PLCB1: variants seen among roughly 807,000 people sequenced by gnomAD.
PLCB1 encodes the protein phospholipase C beta 1.
A neutral mutation model predicts 161.8 loss-of-function variants in PLCB1; 46 were observed. That is an observed-to-expected ratio of 0.28 (90% CI 0.22 to 0.36). The LOEUF is 0.36. Ranked by LOEUF, PLCB1 falls within the 10% of genes least tolerant of loss-of-function variation. PLCB1 has a pLI of 1.00. For synonymous variants in PLCB1, 517 were observed against 503.7 expected (o/e 1.03, Z -0.35); for missense variants, 1,016 against 1,472.5 (o/e 0.69, Z 5.07).
intron 3 of PLCB1, among the ~76,000 whole-genome samples, chr20:8,411,821 T>G (rs890612226): frequency 2.0e-5 from 3 of 152,120 alleles, no homozygotes; most frequent in African/African-American, 7.2e-5. Flanking sequence ...GTCAGGAGTT[T>G]GAGACCAGCC....
intron 2 of PLCB1, among the ~76,000 whole-genome samples, chr20:8,271,518 T>A (rs1181348260): frequency 6.6e-6 from 1 of 152,150 alleles, no homozygotes; most frequent in Non-Finnish European, 1.5e-5. Flanking sequence ...TTCTTATTTG[T>A]TCCTCTCATT....
chr20:8,331,813 C>T (rs970710494), intron 2 of PLCB1, among the ~76,000 whole-genome samples: 19 of 152,158 alleles, frequency 1.2e-4, no homozygotes, highest in African/African-American at 4.6e-4. Context: ...AACAGGTATT[C>T]TGTGGATTTT....
intron 3 of PLCB1, among the ~76,000 whole-genome samples, chr20:8,613,967 A>G (rs1987975268): frequency 6.6e-6 from 1 of 152,110 alleles, no homozygotes; most frequent in Admixed American, 6.6e-5. Context: ...ATATCAGGCA[A>G]AGGGTCAATA....
At chr20:8,188,356 A>G (rs567693989) in intron 2 of PLCB1, among the ~76,000 whole-genome samples, 1 of 152,286 alleles carries the variant, frequency 6.6e-6, no homozygotes, top group East Asian at 1.9e-4. Flanking sequence ...AAGTAGACAC[A>G]GGGAAGGATG....
intron 31 of PLCB1, among the ~76,000 whole-genome samples, chr20:8,803,450 T>G (rs1984380902): frequency 7.0e-6 from 1 of 143,834 alleles, no homozygotes; most frequent in East Asian, 2.1e-4. Flanking sequence ...TTTTTTTTTC[T>G]ACTGCCTGTA....
At chr20:8,149,749 A>G (rs1383759937) in intron 1 of PLCB1, among the ~76,000 whole-genome samples, 1 of 152,138 alleles carries the variant, frequency 6.6e-6, no homozygotes, top group African/African-American at 2.4e-5. Flanking sequence ...TCAGAAGACT[A>G]TTTACCTATG....
chr20:8,681,076 A>ATATGTG (rs1555782761), intron 9 of PLCB1, among the ~76,000 whole-genome samples: 2 of 83,542 alleles, frequency 2.4e-5, no homozygotes, highest in Non-Finnish European at 4.6e-5. Flanking sequence ...ATGTGTGTAT[A>ATATGTG]TGTGTGTGTG....
chr20:8,339,715 T>C (rs1257077601), intron 2 of PLCB1, among the ~76,000 whole-genome samples: 1 of 152,240 alleles, frequency 6.6e-6, no homozygotes. Context: ...AGTCATGAGC[T>C]GTCTCTTACA....
At chr20:8,652,368 T>C (rs539682054) in intron 7 of PLCB1, 12 of 152,280 alleles carry the variant, frequency 7.9e-5, no homozygotes, top group Admixed American at 5.9e-4. Context: ...GGATGACTTA[T>C]AGAATTAGAA....
At chr20:8,371,534 AAAG>A in intron 3 of PLCB1, 84 bp downstream of exon 3, 6 of 928,724 alleles carry the variant, frequency 6.5e-6, no homozygotes, top group Non-Finnish European at 1.0e-5. Flanking sequence ...GCCCCAATTA[AAAG>A]TTTCTATGTT....
At chr20:8,791,553 A>G (rs1317941437) in intron 31 of PLCB1, among the ~76,000 whole-genome samples, 1 of 152,220 alleles carries the variant, frequency 6.6e-6, no homozygotes, top group African/African-American at 2.4e-5. Flanking sequence ...GTACACTGAC[A>G]TAATAGAATT....
intron 2 of PLCB1, among the ~76,000 whole-genome samples, chr20:8,228,676 A>G (rs1218717327): frequency 8.5e-6 from 1 of 117,144 alleles, no homozygotes; most frequent in Non-Finnish European, 1.8e-5. Flanking sequence ...CGCCCCACTA[A>G]TTTTTTTTTG....
intron 3 of PLCB1, among the ~76,000 whole-genome samples, chr20:8,392,890 A>C (rs1987653398): frequency 6.6e-6 from 1 of 152,184 alleles, no homozygotes; most frequent in Non-Finnish European, 1.5e-5. Context: ...AAGAATTCCT[A>C]TCTATGGCAT....
At chr20:8,403,006 C>A (rs899466013) in intron 3 of PLCB1, among the ~76,000 whole-genome samples, 1 of 151,818 alleles carries the variant, frequency 6.6e-6, no homozygotes, top group Non-Finnish European at 1.5e-5. Context: ...TGGTAAAATT[C>A]TCATCCCTTT....
intron 3 of PLCB1, among the ~76,000 whole-genome samples, chr20:8,507,383 A>G (rs1983680457): frequency 1.3e-5 from 2 of 152,204 alleles, no homozygotes; most frequent in Non-Finnish European, 2.9e-5. Context: ...TGATTTGAAC[A>G]ACAAATTGTA....
Position 8,717,743 on chromosome 20 carries a change from T to A in PLCB1, c.1408T>A (p.Ser470Thr), listed in dbSNP as rs1208741312. The change falls in exon 14 of 32, where the codon TCA (serine) becomes ACA (threonine). Residue 470 changes from serine to threonine, a missense_variant. Coordinates refer to ENST00000338037, the MANE Select transcript of PLCB1 (RefSeq NM_015192.4). ...AATTTTGGTGAAAAATAAGAAGAAA[T>A]CACACAAGTCATCAGAAGGAAGCGG... ...YKILVKNKKK[S>T]HKSSEGSGKK... The A allele has an allele frequency of 1.2e-6, 2 of 1,613,402 alleles. No homozygotes were observed. Among genetic ancestry groups the A allele is most frequent in the East Asian group, 4.5e-5 (2 of 44,834 alleles).
chr20:8,697,683 G>C lies in PLCB1; in HGVS notation c.1067G>C (p.Gly356Ala), dbSNP rs1990611616. 6.2e-7 allele frequency: 1 copy of C among 1,614,074 alleles called. No individual in the cohort carries two copies. The highest frequency in any genetic ancestry group is 1.7e-5 in the Admixed American group (1 of 60,004). The change falls in exon 11 of 32, where the codon GGT becomes GCT. Residue 356 changes from glycine (G) to alanine (A), a missense_variant. Physicochemically the swap from Gly to Ala is moderately conservative, Grantham distance 60. Around this residue, in one of 10 missense-constraint regions of PLCB1, gnomAD observed 9 missense variants for 45.4 expected, o/e 0.20. Transcript: ENST00000338037. ...VEMYRQVLLS[G>A]CRCVELDCWK... ...ATGTATCGCCAAGTGCTCCTGTCTG[G>C]TTGTCGCTGTGTGGAGCTGGACTGC... is the stretch of plus-strand genomic sequence containing the variant.
chr20:8,761,169 A>T (rs1297677863), intron 25 of PLCB1, among the ~76,000 whole-genome samples: 1 of 152,176 alleles, frequency 6.6e-6, no homozygotes, highest in African/African-American at 2.4e-5. Flanking sequence ...CATGGATAAA[A>T]CTCAAGCATA....
intron 2 of PLCB1, among the ~76,000 whole-genome samples, chr20:8,295,965 T>G (rs1983609176): frequency 6.6e-6 from 1 of 152,038 alleles, no homozygotes; most frequent in African/African-American, 2.4e-5. Flanking sequence ...CTCCCACCTC[T>G]ACCTCCTCCA....
Sources: allele counts gnomAD v4.1 joint callset (sites outside exome capture counted in the v4.1 genomes callset), GRCh38; gene constraint gnomAD v4.1.1; regional missense constraint gnomAD v4.1.1; transcripts MANE v1.5; gene names NCBI Gene and HGNC (gene_info 2026-07-23, HGNC 2026-07-21).